IQGAP2: variants seen among roughly 807,000 people sequenced by gnomAD.
The protein encoded by IQGAP2 is ras GTPase-activating-like protein IQGAP2.
A neutral mutation model predicts 201.3 loss-of-function variants in IQGAP2; 173 were observed. The ratio of observed to expected loss-of-function variants is 0.86; its 90% CI spans 0.76 to 0.98. IQGAP2 has a LOEUF of 0.98. IQGAP2 is among the 50% of genes least tolerant of loss of function. The pLI is 0.00. For missense variants in IQGAP2, 1,687 were observed against 1,864.8 expected (o/e 0.90, Z 1.76); for synonymous variants, 675 against 673.9 (o/e 1.00, Z -0.03).
At chr5:76,490,844 G>T (rs1253148825) in intron 2 of IQGAP2, among the ~76,000 whole-genome samples, 2 of 152,118 alleles carry the variant, frequency 1.3e-5, no homozygotes, top group African/African-American at 4.8e-5. Context: ...AACAGATTAA[G>T]GCTGTAGGAC....
At chr5:76,523,254 T>TA (rs879801472) in intron 2 of IQGAP2, among the ~76,000 whole-genome samples, 1,789 of 146,774 alleles carry the variant, frequency 0.012, 36 homozygotes, top group African/African-American at 0.042. Flanking sequence ...TCTGCTAATT[T>TA]AAAAAAAAAA....
intron 13 of IQGAP2, among the ~76,000 whole-genome samples, chr5:76,615,027 C>T (rs565797580): frequency 1.3e-5 from 2 of 152,242 alleles, no homozygotes; most frequent in South Asian, 2.1e-4. Flanking sequence ...TCAAGTATAA[C>T]CTTGTGTAGC....
intron 13 of IQGAP2, among the ~76,000 whole-genome samples, chr5:76,621,170 C>T (rs1337049868): frequency 6.6e-6 from 1 of 152,114 alleles, no homozygotes; most frequent in Non-Finnish European, 1.5e-5. Context: ...TCATTCAGAG[C>T]CAGTTTCTCT....
intron 8 of IQGAP2, 61 bp from the exon 9 acceptor site, chr5:76,592,774 TGAA>T: frequency 9.3e-7 from 1 of 1,077,472 alleles, no homozygotes; most frequent in Admixed American, 1.9e-5. Flanking sequence ...TTTTTCCATT[TGAA>T]TTTCGAGTTT....
At chr5:76,577,569 A>G (rs775951330) in intron 5 of IQGAP2, among the ~76,000 whole-genome samples, 11 of 152,130 alleles carry the variant, frequency 7.2e-5, no homozygotes, top group Non-Finnish European at 1.6e-4. Flanking sequence ...TCTTTGTTCT[A>G]AATTATTGTA....
intron 34 of IQGAP2, 95 bp from the exon 35 acceptor site, chr5:76,702,387 T>A (rs903967063): frequency 1.5e-6 from 1 of 656,204 alleles, no homozygotes; most frequent in African/African-American, 1.8e-5. Context: ...AAGCCATTAT[T>A]TAAAAATGAT....
chr5:76,670,581 G>A (rs1440316953), intron 23 of IQGAP2, among the ~76,000 whole-genome samples: 1 of 152,094 alleles, frequency 6.6e-6, no homozygotes, highest in African/African-American at 2.4e-5. Context: ...AAATAAAAAG[G>A]AATGACTGGG....
At chr5:76,692,403 C>T (rs915956745) in intron 30 of IQGAP2, among the ~76,000 whole-genome samples, 8 of 152,196 alleles carry the variant, frequency 5.3e-5, no homozygotes, top group Non-Finnish European at 8.8e-5. Flanking sequence ...CCGCCCACCT[C>T]GGCCTCCCAA....
At chr5:76,684,808 G>C (rs977208037) in intron 30 of IQGAP2, among the ~76,000 whole-genome samples, 3 of 152,098 alleles carry the variant, frequency 2.0e-5, no homozygotes, top group Non-Finnish European at 4.4e-5. Flanking sequence ...AAGTGTGCTT[G>C]AAGTGTGAAT....
chr5:76,426,905 GGTGTGTGT>G (rs141560559), intron 1 of IQGAP2, among the ~76,000 whole-genome samples: 9 of 146,696 alleles, frequency 6.1e-5, no homozygotes, highest in South Asian at 2.2e-4. Flanking sequence ...AACCATGGAG[GGTGTGTGT>G]GTGTGTGTGT....
At chr5:76,590,152 G>T (rs755521560) in intron 7 of IQGAP2, among the ~76,000 whole-genome samples, 3 of 152,138 alleles carry the variant, frequency 2.0e-5, no homozygotes, top group Non-Finnish European at 2.9e-5. Flanking sequence ...GTTGACATAG[G>T]GCTTGCTTCA....
chr5:76,433,735 T>G (rs188288879), intron 1 of IQGAP2, among the ~76,000 whole-genome samples: 2 of 152,244 alleles, frequency 1.3e-5, no homozygotes, highest in African/African-American at 4.8e-5. Flanking sequence ...ATTTTACAAA[T>G]GTCAGGAAGT....
chr5:76,590,949 T>C (rs939059453), intron 8 of IQGAP2, among the ~76,000 whole-genome samples: 1 of 151,712 alleles, frequency 6.6e-6, no homozygotes, highest in Non-Finnish European at 1.5e-5. Context: ...AATAAAAAAT[T>C]AGCTGGGCTT....
At chr5:76,661,646 T>G (rs1038919) in intron 21 of IQGAP2, among the ~76,000 whole-genome samples, 36,029 of 152,064 alleles carry the variant, frequency 0.24, 4,545 homozygotes, top group Non-Finnish European at 0.3. Flanking sequence ...CTGGAAAATG[T>G]TCTAGGTGAT....
chr5:76,609,810 CAG>C (rs1370237456), intron 12 of IQGAP2, among the ~76,000 whole-genome samples: 1 of 147,796 alleles, frequency 6.8e-6, no homozygotes, highest in Non-Finnish European at 1.5e-5. Context: ...AGCTCCTTGG[CAG>C]TGTGTGTATA....
In IQGAP2 at chr5:76,521,905, A is replaced by T. The variant is rs571014801; in HGVS notation, c.147-40491A>T. On this transcript the variant is annotated intron_variant, in intron 2 of 35. Coordinates refer to ENST00000274364, the MANE Select transcript of IQGAP2 (RefSeq NM_006633.5). ...TAGTTTGGGGCCTGCTTGGAGATCA[A>T]TTCCTCTAATTTCTGTGTTTGTGTC... Among the ~76,000 whole-genome samples, 18 of 152,186 alleles carry T rather than the reference A, an allele frequency of 1.2e-4. No homozygotes were observed. The South Asian group carries it at 3.7e-3, about 32-fold the overall frequency.
chr5:76,486,202 C>T (rs965655164), intron 2 of IQGAP2, among the ~76,000 whole-genome samples: 6 of 152,132 alleles, frequency 3.9e-5, no homozygotes, highest in Admixed American at 6.5e-5. Context: ...AAGAAAGTTG[C>T]CAAGGACTGA....
chr5:76,617,975 G>A (rs1256602117), intron 13 of IQGAP2: 3 of 1,614,060 alleles, frequency 1.9e-6, no homozygotes, highest in Non-Finnish European at 2.5e-6. Flanking sequence ...CATCATGGCA[G>A]GTGGTGATGT....
At chr5:76,439,990 G>T (rs1479377611) in intron 1 of IQGAP2, among the ~76,000 whole-genome samples, 4 of 152,134 alleles carry the variant, frequency 2.6e-5, no homozygotes, top group African/African-American at 4.8e-5. Context: ...GCTGCATATT[G>T]AATTTTTGTT....
Sources: allele counts gnomAD v4.1 joint callset (sites outside exome capture counted in the v4.1 genomes callset), GRCh38; gene constraint gnomAD v4.1.1; transcripts MANE v1.5; gene names NCBI Gene and HGNC (gene_info 2026-07-23, HGNC 2026-07-21).